TRPC4: variants seen among roughly 807,000 people sequenced by gnomAD.
TRPC4 encodes the protein short transient receptor potential channel 4.
A neutral mutation model predicts 99.4 loss-of-function variants in TRPC4; 49 were observed. The observed-to-expected ratio is 0.49, with a 90% CI of 0.39 to 0.63. TRPC4 has a LOEUF of 0.63. TRPC4 is among the 20% of genes least tolerant of loss of function. TRPC4 has a pLI of 0.00. For missense variants in TRPC4, 898 were observed against 1,152.9 expected (o/e 0.78, Z 3.20); for synonymous variants, 454 against 425.9 (o/e 1.07, Z -0.81).
intron 2 of TRPC4, among the ~76,000 whole-genome samples, chr13:37,775,430 A>T (rs1303084896): frequency 6.9e-6 from 1 of 145,722 alleles, no homozygotes; most frequent in African/African-American, 2.5e-5. Context: ...TCCAACTTTT[A>T]AGTTAAAGGG....
rs144245204 is a variant in TRPC4 at position 37,634,614 on chromosome 13, G to A, written c.*2289C>T. ...TGTACTGTTATTGGTGTTGCTTGAC[G>A]GAACAGAGAGAATTTGAAATTAAAT... is the stretch of plus-strand genomic sequence containing the variant. On this transcript the variant is annotated 3_prime_UTR_variant, in exon 11 of 11. Transcript: ENST00000379705. Among the ~76,000 whole-genome samples the A allele has an allele frequency of 2.8e-4, 42 of 152,142 alleles. No individual in the cohort carries two copies. The highest frequency in any genetic ancestry group is 9.9e-4 in the African/African-American group (41 of 41,526).
intron 3 of TRPC4, among the ~76,000 whole-genome samples, chr13:37,719,082 A>G (rs764466005): frequency 6.6e-6 from 1 of 152,240 alleles, no homozygotes; most frequent in Admixed American, 6.5e-5. Context: ...ATTATTGCTG[A>G]CATTTCATCA....
chr13:37,665,840 CAAAA>C (rs1168472231), intron 5 of TRPC4, among the ~76,000 whole-genome samples: 16 of 71,016 alleles, frequency 2.3e-4, no homozygotes, highest in African/African-American at 5.4e-4. Flanking sequence ...TCAGCTGAGA[CAAAA>C]AAAAAAAAAA....
chr13:37,749,292 G>T (rs142760912), intron 2 of TRPC4, among the ~76,000 whole-genome samples: 1 of 151,820 alleles, frequency 6.6e-6, no homozygotes, highest in Admixed American at 6.6e-5. Flanking sequence ...CAGTGAAAAC[G>T]GACTAATACA....
chr13:37,799,465 T>C (rs115106591), intron 1 of TRPC4, among the ~76,000 whole-genome samples: 2,764 of 152,300 alleles, frequency 0.018, 82 homozygotes, highest in African/African-American at 0.063. Flanking sequence ...ACAAGACTTG[T>C]AGTCAGCAAA....
intron 7 of TRPC4, among the ~76,000 whole-genome samples, chr13:37,653,963 A>T (rs981666456): frequency 6.6e-6 from 1 of 152,212 alleles, no homozygotes; most frequent in African/African-American, 2.4e-5. Context: ...TAAGATGCTT[A>T]AATGAAATTC....
chr13:37,636,451 T>C lies in TRPC4; in HGVS notation c.*452A>G, dbSNP rs1233620843. ...ATATTTGTGTTTTAAAGCCAAACTGTAGGACTAGGTGAAAAGTCCTTGGTG... is the reference window on the plus strand; with the variant it reads ...ATATTTGTGTTTTAAAGCCAAACTGCAGGACTAGGTGAAAAGTCCTTGGTG... On this transcript the variant is annotated 3_prime_UTR_variant, in exon 11 of 11. Coordinates refer to ENST00000379705, the MANE Select transcript of TRPC4 (RefSeq NM_016179.4). Among the ~76,000 whole-genome samples the C allele has an allele frequency of 6.6e-6, 1 of 152,160 alleles. No individual in the cohort carries two copies. Among genetic ancestry groups the C allele is most frequent in the African/African-American group, 2.4e-5 (1 of 41,438 alleles).
At chr13:37,660,719 T>C (rs927600195) in intron 6 of TRPC4, among the ~76,000 whole-genome samples, 2 of 152,218 alleles carry the variant, frequency 1.3e-5, no homozygotes, top group African/African-American at 4.8e-5. Flanking sequence ...GTACTTTATA[T>C]GAATTAGTGT....
chr13:37,835,377 C>T (rs1044072272), intron 1 of TRPC4, among the ~76,000 whole-genome samples: 1 of 152,180 alleles, frequency 6.6e-6, no homozygotes. Context: ...TTCATGTATG[C>T]TTGTTTCTGC....
At chr13:37,665,115 A>T (rs1952596445) in intron 5 of TRPC4, among the ~76,000 whole-genome samples, 1 of 152,204 alleles carries the variant, frequency 6.6e-6, no homozygotes, top group African/African-American at 2.4e-5. Flanking sequence ...AAACTTGGAT[A>T]CTAAACATTA....
chr13:37,645,306 A>G (rs888496186), intron 8 of TRPC4, among the ~76,000 whole-genome samples: 1 of 152,166 alleles, frequency 6.6e-6, no homozygotes, highest in Non-Finnish European at 1.5e-5. Flanking sequence ...CGGAATTTCA[A>G]TAGAAGTTTC....
rs1953749989 is a variant in TRPC4, at chr13:37,692,483, A to T, written c.898-148T>A. ...TTAAACAATCAAAAGGCTTTAAGTCATTCTGTGAATAAAGCCAATGTATTG... is the reference window on the plus strand; with the variant it reads ...TTAAACAATCAAAAGGCTTTAAGTCTTTCTGTGAATAAAGCCAATGTATTG... On this transcript the variant is annotated intron_variant, in intron 3 of 10. Transcript: ENST00000379705. The T allele has an allele frequency of 6.6e-6, 5 of 761,866 alleles. No individual in the cohort carries two copies. In the South Asian group the frequency reaches 9.7e-5, roughly 15 times the overall value. The allele number at this position is 761,866 out of a possible 1,614,324, so 47.2% of individuals were successfully genotyped here.
rs752655460 is a variant in TRPC4 at position 37,692,378 on chromosome 13, C to A, written c.898-43G>T. ...GAAAAGGAAAAATAAGTCACAGTTACATGGAGTGGCCTCAATTCATCAATA... is the reference window on the plus strand; with the variant it reads ...GAAAAGGAAAAATAAGTCACAGTTAAATGGAGTGGCCTCAATTCATCAATA... On this transcript the variant is annotated intron_variant, in intron 3 of 10. Transcript: ENST00000379705. The A allele has an allele frequency of 1.2e-5, 19 of 1,524,374 alleles. No individual in the cohort carries two copies. The African/African-American group carries it at 2.6e-4, about 21-fold the overall frequency. 94.4% of individuals were successfully genotyped at this position (1,524,374 alleles called of 1,614,324 possible). A position where few individuals can be genotyped will look rare whatever the true frequency, so the allele number is the denominator to read the frequency against.
In TRPC4 at chr13:37,823,781, A is replaced by C. The variant is rs1370790940; in HGVS notation, c.-27-40421T>G. Among the ~76,000 whole-genome samples the C allele has an allele frequency of 2.2e-5, 3 of 137,382 alleles. No homozygotes were observed. The Admixed American group carries it at 2.4e-4, about 11-fold the overall frequency. 90.1% of individuals were successfully genotyped at this position (137,382 alleles called of 152,430 possible). On this transcript the variant is annotated intron_variant, in intron 1 of 10. Coordinates refer to ENST00000379705, the MANE Select transcript of TRPC4 (RefSeq NM_016179.4). ...CTCTTTTTTGTTCCATATGAACTTT[A>C]AAGTAGTTTTTTTCCAATTCTGTGA...
chr13:37,722,495 A>T (rs1476891749), intron 3 of TRPC4, among the ~76,000 whole-genome samples: 1 of 152,158 alleles, frequency 6.6e-6, no homozygotes, highest in Non-Finnish European at 1.5e-5. Flanking sequence ...ACTTAATCCA[A>T]ACAGTTGTTG....
chr13:37,845,055 C>T (rs1049334694), intron 1 of TRPC4, among the ~76,000 whole-genome samples: 12 of 152,280 alleles, frequency 7.9e-5, no homozygotes, highest in Non-Finnish European at 7.3e-5. Flanking sequence ...CTCACTGAAC[C>T]ATGGAGAACA....
intron 3 of TRPC4, among the ~76,000 whole-genome samples, chr13:37,725,279 G>T (rs1955014805): frequency 6.6e-6 from 1 of 152,044 alleles, no homozygotes; most frequent in Admixed American, 6.6e-5. Flanking sequence ...ATACATTGTG[G>T]AGGCTCAGAA....
intron 8 of TRPC4, among the ~76,000 whole-genome samples, chr13:37,640,944 C>G (rs772816003): frequency 4.6e-5 from 7 of 152,088 alleles, no homozygotes; most frequent in Non-Finnish European, 8.8e-5. Flanking sequence ...TAACATTTCA[C>G]TACTGTGTTT....
intron 2 of TRPC4, among the ~76,000 whole-genome samples, chr13:37,751,459 TAATAG>T (rs796529697): frequency 1.9e-4 from 29 of 152,226 alleles, no homozygotes; most frequent in African/African-American, 6.5e-4. Flanking sequence ...GTTAACCAGC[TAATAG>T]AATAGAAGCT....
Sources: allele counts gnomAD v4.1 joint callset (sites outside exome capture counted in the v4.1 genomes callset), GRCh38; gene constraint gnomAD v4.1.1; transcripts MANE v1.5; gene names NCBI Gene and HGNC (gene_info 2026-07-23, HGNC 2026-07-21).